Variants in ABTB3 observed in about 807,000 individuals in gnomAD.
ABTB3 encodes ankyrin repeat- and BTB/POZ domain-containing protein 3.
chr12:107,399,316 G>C, the ABTB3 span, among the ~76,000 whole-genome samples: 3 of 152,168 alleles, frequency 2.0e-5, no homozygotes, highest in Non-Finnish European at 2.9e-5. Context: ...CTAGGATCGT[G>C]AACAAAGGAT....
At chr12:107,618,417 C>T in the ABTB3 span, 8 of 1,555,002 alleles carry the variant, frequency 5.1e-6, no homozygotes, top group Non-Finnish European at 6.1e-6. Flanking sequence ...ACCATGGTGC[C>T]CCCAGCTTTA....
chr12:107,430,742 G>T, the ABTB3 span, among the ~76,000 whole-genome samples: 1 of 152,206 alleles, frequency 6.6e-6, no homozygotes, highest in African/African-American at 2.4e-5. Flanking sequence ...TTATTAGAGA[G>T]ATGTTCCCAT....
At chr12:107,463,692 G>C in the ABTB3 span, among the ~76,000 whole-genome samples, 1 of 152,196 alleles carries the variant, frequency 6.6e-6, no homozygotes, top group South Asian at 2.1e-4. Context: ...AGCAAACACT[G>C]TGTATCTCCA....
the ABTB3 span, among the ~76,000 whole-genome samples, chr12:107,358,596 T>A: frequency 3.0e-5 from 4 of 131,174 alleles, no homozygotes; most frequent in Admixed American, 7.7e-5. Flanking sequence ...CCACCATCTA[T>A]TTGTTTTTTT....
the ABTB3 span, among the ~76,000 whole-genome samples, chr12:107,651,515 T>C: frequency 0.3 from 45,515 of 151,642 alleles, 7,171 homozygotes; most frequent in East Asian, 0.53. Context: ...TCTTTGTCCT[T>C]TTCCTCTAGT....
At chr12:107,448,350 T>A in the ABTB3 span, among the ~76,000 whole-genome samples, 5 of 152,316 alleles carry the variant, frequency 3.3e-5, no homozygotes, top group Admixed American at 3.3e-4. Context: ...GAGTCTCACA[T>A]CCAGGGTTGG....
At chr12:107,451,373 T>G in the ABTB3 span, among the ~76,000 whole-genome samples, 1 of 152,236 alleles carries the variant, frequency 6.6e-6, no homozygotes, top group South Asian at 2.1e-4. Context: ...TGAGACACCC[T>G]GCAACCCTCT....
At chr12:107,582,938 T>C in the ABTB3 span, among the ~76,000 whole-genome samples, 351 of 152,328 alleles carry the variant, frequency 2.3e-3, 2 homozygotes, top group African/African-American at 8.0e-3. Context: ...GATGTTTTCT[T>C]AATGCTAACT....
the ABTB3 span, among the ~76,000 whole-genome samples, chr12:107,348,463 A>C: frequency 6.6e-6 from 1 of 152,172 alleles, no homozygotes; most frequent in African/African-American, 2.4e-5. Flanking sequence ...CGCCTGGTGC[A>C]GTGGCTCATG....
the ABTB3 span, among the ~76,000 whole-genome samples, chr12:107,590,361 G>A: frequency 1.3e-5 from 2 of 152,226 alleles, no homozygotes; most frequent in Admixed American, 6.5e-5. Flanking sequence ...AGCCATGGGT[G>A]TGCAGGATGT....
At chr12:107,509,667 C>T in the ABTB3 span, among the ~76,000 whole-genome samples, 17 of 152,192 alleles carry the variant, frequency 1.1e-4, no homozygotes, top group South Asian at 1.0e-3. Flanking sequence ...TCACTGGGGC[C>T]GGGACCTGCA....
chr12:107,452,202 A>AT, the ABTB3 span, among the ~76,000 whole-genome samples: 22,870 of 110,128 alleles, frequency 0.21, 2,711 homozygotes, highest in Admixed American at 0.27. Flanking sequence ...GCCCATATGA[A>AT]TTTTTTTTTT....
the ABTB3 span, among the ~76,000 whole-genome samples, chr12:107,548,114 C>A: frequency 6.6e-6 from 1 of 152,280 alleles, no homozygotes; most frequent in South Asian, 2.1e-4. Context: ...CAGCTCTGTA[C>A]CAAAGCCTCC....
the ABTB3 span, among the ~76,000 whole-genome samples, chr12:107,459,723 A>G: frequency 6.6e-6 from 1 of 152,196 alleles, no homozygotes; most frequent in African/African-American, 2.4e-5. Context: ...TTATTAAGTG[A>G]CCTGCATTGT....
chr12:107,481,222 A>G, the ABTB3 span, among the ~76,000 whole-genome samples: 2 of 152,180 alleles, frequency 1.3e-5, no homozygotes, highest in African/African-American at 4.8e-5. Context: ...GAGCAGAAAC[A>G]CTGGCCTTGT....
chr12:107,411,124 A>G, the ABTB3 span, among the ~76,000 whole-genome samples: 35 of 152,014 alleles, frequency 2.3e-4, no homozygotes, highest in African/African-American at 8.2e-4. Flanking sequence ...ACATGGCAAA[A>G]CCCCGTCTCT....
the ABTB3 span, among the ~76,000 whole-genome samples, chr12:107,599,055 A>T: frequency 6.6e-6 from 1 of 152,190 alleles, no homozygotes; most frequent in South Asian, 2.1e-4. Context: ...CCTGTCTGCC[A>T]TCCTTGGTTT....
At chr12:107,499,379 T>TGC in the ABTB3 span, among the ~76,000 whole-genome samples, 76 of 151,852 alleles carry the variant, frequency 5.0e-4, no homozygotes, top group African/African-American at 1.6e-3. Context: ...TGTGTGTGTG[T>TGC]GTGCGTGTGG....
At chr12:107,412,411 T>C in the ABTB3 span, among the ~76,000 whole-genome samples, 1 of 152,190 alleles carries the variant, frequency 6.6e-6, no homozygotes, top group African/African-American at 2.4e-5. Flanking sequence ...TCCTGCAAGA[T>C]TGAAAGAGGC....
Sources: allele counts gnomAD v4.1 joint callset (sites outside exome capture counted in the v4.1 genomes callset), GRCh38; gene constraint gnomAD v4.1.1; transcripts MANE v1.5; gene names NCBI Gene and HGNC (gene_info 2026-07-23, HGNC 2026-07-21).